NRXN3: variants seen among roughly 807,000 people sequenced by gnomAD.
The protein encoded by NRXN3 is neurexin 3, also known as neurexin III.
Under a neutral mutation model 137.6 loss-of-function variants are expected in NRXN3, and 32 were observed. The ratio of observed to expected loss-of-function variants is 0.23; its 90% CI spans 0.18 to 0.31. The LOEUF is 0.31. Among genes scored for constraint, NRXN3 ranks in the 10% least tolerant of loss-of-function variants. The pLI, the probability that NRXN3 is intolerant of heterozygous loss-of-function variation, is 1.00. For synonymous variants in NRXN3, 798 were observed against 784.5 expected, an observed-to-expected ratio of 1.02 and a Z score of -0.29; for missense variants, 1,574 against 2,062.5, an observed-to-expected ratio of 0.76 and a Z score of 4.59.
intron 4 of NRXN3, among the ~76,000 whole-genome samples, chr14:78,493,562 A>G (rs929146310): frequency 7.9e-5 from 12 of 151,564 alleles, no homozygotes; most frequent in Admixed American, 7.9e-4. Flanking sequence ...AAATAAATAA[A>G]TAAAAAGAAT....
At chr14:78,595,218 A>G (rs2097149072) in intron 4 of NRXN3, among the ~76,000 whole-genome samples, 1 of 152,228 alleles carries the variant, frequency 6.6e-6, no homozygotes, top group Non-Finnish European at 1.5e-5. Flanking sequence ...CAATATGGCC[A>G]TGAGAAGTTC....
intron 16 of NRXN3, among the ~76,000 whole-genome samples, chr14:79,629,025 C>T (rs571065747): frequency 6.6e-6 from 1 of 152,222 alleles, no homozygotes; most frequent in East Asian, 1.9e-4. Flanking sequence ...TTTCAATGGG[C>T]AGTGGTTCTC....
At chr14:79,392,328 C>T (rs551797201) in intron 15 of NRXN3, among the ~76,000 whole-genome samples, 18 of 152,306 alleles carry the variant, frequency 1.2e-4, no homozygotes, top group African/African-American at 4.1e-4. Flanking sequence ...ACGAACTCAT[C>T]CTTTTTTATG....
chr14:79,046,352 A>G lies in NRXN3; in HGVS notation c.3262+58211A>G, dbSNP rs115524149. Among the ~76,000 whole-genome samples the G allele has an allele frequency of 6.3e-3, 959 of 152,316 alleles. 10 individuals carry two copies. The highest frequency in any genetic ancestry group is 0.022 in the African/African-American group (909 of 41,576). On this transcript the variant is annotated intron_variant, in intron 15 of 20. Coordinates refer to ENST00000335750, the MANE Select transcript of NRXN3 (RefSeq NM_001330195.2). ...GCAGAGAGGATCTAACAATTTTTGC[A>G]TGGACATGAGATTTGGAGCAAGGTC...
At position 79,745,021 on chromosome 14, in the gene NRXN3, A is replaced by G. The variant is rs753282321; in HGVS notation, c.4014+47084A>G. On this transcript the variant is annotated intron_variant, in intron 19 of 20. Coordinates refer to ENST00000335750, the MANE Select transcript of NRXN3 (RefSeq NM_001330195.2). ...AGTTGAATATAAGTCATATCTTTAG[A>G]AAAAAAAAAAAAAAGCAGGTAGAAA... is the stretch of plus-strand genomic sequence containing the variant. Among the ~76,000 whole-genome samples, 6 of 100,940 alleles carry G rather than the reference A, an allele frequency of 5.9e-5. No individual in the cohort carries two copies. In the East Asian group the frequency reaches 6.9e-4, roughly 12 times the overall value. The allele number at this position is 100,940 out of a possible 152,430, so 66.2% of individuals were successfully genotyped here.
intron 8 of NRXN3, among the ~76,000 whole-genome samples, chr14:78,796,974 G>A (rs2098823799): frequency 6.6e-6 from 1 of 152,130 alleles, no homozygotes; most frequent in Non-Finnish European, 1.5e-5. Flanking sequence ...TGCTGAACAT[G>A]AGGCAAGATC....
intron 17 of NRXN3, among the ~76,000 whole-genome samples, chr14:79,683,014 C>A (rs906054677): frequency 6.6e-6 from 1 of 152,068 alleles, no homozygotes; most frequent in African/African-American, 2.4e-5. Context: ...ACCCCTCACA[C>A]GGTGAGGAAA....
chr14:79,792,620 A>G (rs940139277), intron 19 of NRXN3, among the ~76,000 whole-genome samples: 18 of 152,220 alleles, frequency 1.2e-4, no homozygotes, highest in Admixed American at 6.5e-5. Context: ...TCAAAGAGGC[A>G]GAGTGTAAAT....
rs57728169 is a variant in NRXN3, at chr14:79,082,391, T to TTGTGTGTGTGTGTGTGTGTG, written c.3262+94260_3262+94279dup. 3.7e-3 allele frequency among the ~76,000 whole-genome samples: 547 copies of TTGTGTGTGTGTGTGTGTGTG among 147,022 alleles called. 2 individuals carry two copies. The highest frequency in any genetic ancestry group is 0.013 in the African/African-American group (530 of 39,902). Reference sequence around the variant, plus strand: ...CCAAACTCCTGTGTATGCAAACTAATTGTGTGTGTGTGTGTGTGTGTGTGT... The same window carrying TTGTGTGTGTGTGTGTGTGTG: ...CCAAACTCCTGTGTATGCAAACTAATTGTGTGTGTGTGTGTGTGTGTGTGTGTGTGTGTGTGTGTGTGTGT... On this transcript the variant is annotated intron_variant, in intron 15 of 20. Coordinates refer to ENST00000335750, the MANE Select transcript of NRXN3 (RefSeq NM_001330195.2).
intron 15 of NRXN3, among the ~76,000 whole-genome samples, chr14:79,403,820 G>T (rs2095257397): frequency 6.6e-6 from 1 of 152,108 alleles, no homozygotes; most frequent in African/African-American, 2.4e-5. Flanking sequence ...ATCTTGATAT[G>T]ACCCAAAAGC....
At position 79,426,300 on chromosome 14, in the gene NRXN3, A is replaced by G. The variant is rs1258861808; in HGVS notation, c.3263-40921A>G. 2.0e-5 allele frequency among the ~76,000 whole-genome samples: 3 copies of G among 152,066 alleles called. No individual in the cohort carries two copies. The South Asian group carries it at 6.2e-4, about 31-fold the overall frequency. On this transcript the variant is annotated intron_variant, in intron 15 of 20. Transcript: ENST00000335750. ...TGGAGATTCAGCTTTTTCTCCACTGATGGAAGGCTTTCCCTCCATCACTCC... is the reference window on the plus strand; with the variant it reads ...TGGAGATTCAGCTTTTTCTCCACTGGTGGAAGGCTTTCCCTCCATCACTCC...
chr14:79,321,434 C>T (rs966993272), intron 15 of NRXN3, among the ~76,000 whole-genome samples: 2 of 152,090 alleles, frequency 1.3e-5, no homozygotes, highest in Non-Finnish European at 2.9e-5. Flanking sequence ...CAATTTATGG[C>T]TTAATGAAAC....
At chr14:79,009,346 A>G (rs1009309685) in intron 15 of NRXN3, among the ~76,000 whole-genome samples, 1 of 152,186 alleles carries the variant, frequency 6.6e-6, no homozygotes, top group Non-Finnish European at 1.5e-5. Flanking sequence ...GTACTTAAAA[A>G]CAAGATATTT....
chr14:79,119,403 CA>C (rs1304999508), intron 15 of NRXN3, among the ~76,000 whole-genome samples: 1 of 152,096 alleles, frequency 6.6e-6, no homozygotes, highest in East Asian at 1.9e-4. Context: ...TTGCCTTTCC[CA>C]AAAAGTCTAA....
intron 16 of NRXN3, among the ~76,000 whole-genome samples, chr14:79,661,425 G>A (rs904488693): frequency 6.6e-6 from 1 of 152,082 alleles, no homozygotes; most frequent in Non-Finnish European, 1.5e-5. Context: ...CAAGACTTCT[G>A]CATGACTTGT....
intron 16 of NRXN3, among the ~76,000 whole-genome samples, chr14:79,494,150 T>G (rs894296401): frequency 1.3e-5 from 2 of 152,186 alleles, no homozygotes; most frequent in Non-Finnish European, 2.9e-5. Context: ...TTGACTATAT[T>G]TGAGCTTGAA....
chr14:78,564,153 C>T (rs1333201099), intron 4 of NRXN3, among the ~76,000 whole-genome samples: 1 of 152,190 alleles, frequency 6.6e-6, no homozygotes, highest in Non-Finnish European at 1.5e-5. Context: ...ATAGCAATTT[C>T]TCCCTTATAA....
chr14:79,305,660 C>A lies in NRXN3; in HGVS notation c.3263-161561C>A, dbSNP rs1342911767. ...TCTGGCCTCAAAACTCTTCCTTCTG[C>A]CATTTTTAACTTACCAATTTCACCT... On this transcript the variant is annotated intron_variant, in intron 15 of 20. Coordinates refer to ENST00000335750, the MANE Select transcript of NRXN3 (RefSeq NM_001330195.2). Among the ~76,000 whole-genome samples the A allele has an allele frequency of 2.0e-5, 3 of 152,074 alleles. No homozygotes were observed. The East Asian group carries it at 5.8e-4, about 29-fold the overall frequency.
At chr14:79,827,568 T>A (rs2099308905) in intron 20 of NRXN3, among the ~76,000 whole-genome samples, 1 of 151,920 alleles carries the variant, frequency 6.6e-6, no homozygotes, top group African/African-American at 2.4e-5. Flanking sequence ...GCAGGCTATA[T>A]AAGAAGCATG....
Sources: gnomAD v4.1 joint callset for allele counts (sites outside exome capture counted in the v4.1 genomes callset) on GRCh38, gnomAD v4.1.1 for gene constraint, MANE v1.5 for transcripts, NCBI Gene and HGNC (gene_info 2026-07-23, HGNC 2026-07-21) for gene names.